MCU: variants seen among roughly 807,000 people sequenced by gnomAD.
The protein encoded by MCU is mitochondrial calcium uniporter.
MCU carries 12 observed loss-of-function variants against 45.2 expected under a neutral mutation model. The observed-to-expected ratio is 0.27, with a 90% CI of 0.17 to 0.43. The LOEUF is 0.43. Among genes scored for constraint, MCU ranks in the 20% least tolerant of loss-of-function variants. The pLI, the probability that MCU is intolerant of heterozygous loss-of-function variation, is 1.00. For missense variants in MCU, 324 were observed against 436.7 expected (o/e 0.74, Z 2.30); for synonymous variants, 160 against 165.1 (o/e 0.97, Z 0.24).
intron 1 of MCU, among the ~76,000 whole-genome samples, chr10:72,736,890 G>A (rs1843258548): frequency 6.6e-6 from 1 of 152,140 alleles, no homozygotes; most frequent in Admixed American, 6.5e-5. Context: ...TGTTTGAGAT[G>A]GTAGTGCTAG....
intron 1 of MCU, among the ~76,000 whole-genome samples, chr10:72,695,643 AAAC>A (rs1262014774): frequency 1.3e-5 from 2 of 152,162 alleles, no homozygotes; most frequent in African/African-American, 4.8e-5. Context: ...GAAACCTAAT[AAAC>A]TGAGGAAAGT....
chr10:72,871,940 G>T (rs933633414), intron 6 of MCU, among the ~76,000 whole-genome samples: 2 of 152,294 alleles, frequency 1.3e-5, no homozygotes, highest in South Asian at 4.1e-4. Context: ...AAGTACTGTG[G>T]GAAAAGTCCC....
At chr10:72,866,202 C>G (rs979080071) in intron 4 of MCU, among the ~76,000 whole-genome samples, 1 of 152,094 alleles carries the variant, frequency 6.6e-6, no homozygotes, top group African/African-American at 2.4e-5. Flanking sequence ...ATTGCTGGCG[C>G]CCAAGGTACC....
chr10:72,836,982 C>G (rs1236613101), intron 2 of MCU, among the ~76,000 whole-genome samples: 1 of 152,040 alleles, frequency 6.6e-6, no homozygotes, highest in Non-Finnish European at 1.5e-5. Context: ...GGGCTTGACC[C>G]TCAGTTTTTA....
rs143359486 is a variant in MCU, at chr10:72,698,418, T to C, written c.150+6117T>C. 4.5e-4 allele frequency among the ~76,000 whole-genome samples: 69 copies of C among 152,346 alleles called. No homozygotes were observed. The East Asian group carries it at 5.2e-3, about 11-fold the overall frequency. ...CTTATGTTTTAGCTTTGCATCCCTA[T>C]AGATTTTCTTAAAAATTACTGTTTG... is the stretch of plus-strand genomic sequence containing the variant. On this transcript the variant is annotated intron_variant, in intron 1 of 7. Transcript: ENST00000373053.
chr10:72,861,742 C>T (rs1298161569), intron 4 of MCU: 1 of 347,536 alleles, frequency 2.9e-6, no homozygotes, highest in Non-Finnish European at 5.6e-6. Flanking sequence ...AGTTATCTAC[C>T]TGCCTCAGCC....
At chr10:72,726,517 T>G (rs561613475) in intron 1 of MCU, among the ~76,000 whole-genome samples, 2 of 152,146 alleles carry the variant, frequency 1.3e-5, no homozygotes, top group Non-Finnish European at 2.9e-5. Flanking sequence ...TGTTTTTTTT[T>G]GTCACTGTGA....
chr10:72,885,499 A>G (rs1176940655), intron 7 of MCU, among the ~76,000 whole-genome samples: 1 of 152,112 alleles, frequency 6.6e-6, no homozygotes, highest in Non-Finnish European at 1.5e-5. Flanking sequence ...TGTTGATAGC[A>G]CTGATTTTTC....
chr10:72,763,018 G>A (rs1425467528), intron 1 of MCU, among the ~76,000 whole-genome samples: 1 of 151,984 alleles, frequency 6.6e-6, no homozygotes, highest in South Asian at 2.1e-4. Context: ...CTTGGTTCAT[G>A]ATTTTTTTCT....
chr10:72,755,324 T>C (rs976641384), intron 1 of MCU, among the ~76,000 whole-genome samples: 1 of 151,850 alleles, frequency 6.6e-6, no homozygotes, highest in Non-Finnish European at 1.5e-5. Context: ...AGTTTTGTAT[T>C]TTTAGTAGAG....
intron 4 of MCU, among the ~76,000 whole-genome samples, chr10:72,867,313 T>C (rs1845472208): frequency 6.6e-6 from 1 of 152,088 alleles, no homozygotes; most frequent in African/African-American, 2.4e-5. Flanking sequence ...TTAAAAAAAA[T>C]TGACAGCTTT....
intron 2 of MCU, 126 bp from the exon 3 acceptor site, chr10:72,859,051 T>G (rs577676888): frequency 2.1e-6 from 2 of 951,134 alleles, no homozygotes; most frequent in East Asian, 5.2e-5. Flanking sequence ...GGGCATGTTC[T>G]TAAACCTTCT....
intron 1 of MCU, among the ~76,000 whole-genome samples, chr10:72,776,397 TATAAG>T (rs1184723510): frequency 5.3e-5 from 8 of 152,170 alleles, no homozygotes; most frequent in African/African-American, 4.8e-5. Flanking sequence ...ATTCCAGTGA[TATAAG>T]AGAATGATTC....
At position 72,819,017 on chromosome 10, in the gene MCU, CTG is replaced by C. The variant is rs1334134570; in HGVS notation, c.151-15340_151-15339del. 4.6e-5 allele frequency among the ~76,000 whole-genome samples: 7 copies of C among 152,156 alleles called. No homozygotes were observed. The East Asian group carries it at 1.4e-3, about 29-fold the overall frequency. On this transcript the variant is annotated intron_variant, in intron 1 of 7. Coordinates refer to ENST00000373053, the MANE Select transcript of MCU (RefSeq NM_138357.3). ...TGCCAGTTTTTACTCTGTTGTATCT[CTG>C]TTATGTTTTCTTCTGATGGGCAAGA...
At chr10:72,882,521 A>G (rs578107924) in intron 6 of MCU, among the ~76,000 whole-genome samples, 30 of 152,208 alleles carry the variant, frequency 2.0e-4, no homozygotes, top group South Asian at 8.3e-4. Context: ...GCCGTCTTCT[A>G]TGGTCGAAAC....
At chr10:72,744,793 C>T (rs1370485858) in intron 1 of MCU, among the ~76,000 whole-genome samples, 1 of 152,228 alleles carries the variant, frequency 6.6e-6, no homozygotes, top group African/African-American at 2.4e-5. Context: ...AGAGTTCTTA[C>T]TGCCAGACCT....
chr10:72,764,218 TTTC>T (rs1483138109), intron 1 of MCU, among the ~76,000 whole-genome samples: 18 of 152,340 alleles, frequency 1.2e-4, no homozygotes, highest in African/African-American at 3.8e-4. Context: ...TCCAGTTTAC[TTTC>T]TTCTTCATTT....
intron 1 of MCU, among the ~76,000 whole-genome samples, chr10:72,791,381 C>A (rs1844157712): frequency 6.6e-6 from 1 of 152,104 alleles, no homozygotes; most frequent in Non-Finnish European, 1.5e-5. Flanking sequence ...TATTTCACTT[C>A]TTTTTGATTT....
intron 1 of MCU, among the ~76,000 whole-genome samples, chr10:72,831,088 C>T (rs1296314452): frequency 6.6e-6 from 1 of 152,082 alleles, no homozygotes; most frequent in African/African-American, 2.4e-5. Context: ...GTCCATTGAT[C>T]TATAGCATTA....
Sources: allele counts gnomAD v4.1 joint callset (sites outside exome capture counted in the v4.1 genomes callset), GRCh38; gene constraint gnomAD v4.1.1; transcripts MANE v1.5; gene names NCBI Gene and HGNC (gene_info 2026-07-23, HGNC 2026-07-21).